The following LUZP2 variants were observed in gnomAD, a reference collection of about 807,000 sequenced individuals.
The protein encoded by LUZP2 is leucine zipper protein 2.
In LUZP2, 52 loss-of-function variants were observed where a neutral mutation model predicts 51.6. That is an observed-to-expected ratio of 1.01 (90% CI 0.81 to 1.27). LUZP2 has a LOEUF of 1.27. Ranked by LOEUF, LUZP2 falls within the 50% of genes most tolerant of loss-of-function variation. The pLI is 0.00. For missense variants in LUZP2, 436 were observed against 395.4 expected, an observed-to-expected ratio of 1.10 and a Z score of -0.87; for synonymous variants, 154 against 137.3, an observed-to-expected ratio of 1.12 and a Z score of -0.85.
At chr11:24,696,693 T>C (rs1857258134) in intron 1 of LUZP2, among the ~76,000 whole-genome samples, 2 of 152,004 alleles carry the variant, frequency 1.3e-5, no homozygotes, top group South Asian at 4.1e-4. Context: ...AGATATGAAA[T>C]GTGACAATGA....
intron 5 of LUZP2, among the ~76,000 whole-genome samples, chr11:24,777,285 G>T (rs565620116): frequency 6.6e-6 from 1 of 152,058 alleles, no homozygotes; most frequent in African/African-American, 2.4e-5. Context: ...GAGCCACCGC[G>T]CCCGGCCTGT....
chr11:24,500,020 A>C (rs1849944897), intron 1 of LUZP2, among the ~76,000 whole-genome samples: 2 of 152,188 alleles, frequency 1.3e-5, no homozygotes, highest in East Asian at 1.9e-4. Flanking sequence ...TTTTAAATAG[A>C]CATTTTTGAA....
chr11:24,766,539 G>A (rs1253843767), intron 5 of LUZP2, among the ~76,000 whole-genome samples: 1 of 152,098 alleles, frequency 6.6e-6, no homozygotes, highest in East Asian at 1.9e-4. Flanking sequence ...GGTAAGATGT[G>A]AATACAGAAG....
intron 9 of LUZP2, among the ~76,000 whole-genome samples, chr11:25,023,352 C>A (rs1003642745): frequency 6.6e-6 from 1 of 152,064 alleles, no homozygotes; most frequent in African/African-American, 2.4e-5. Flanking sequence ...GATTCAACTT[C>A]TTCCTGGTTT....
At chr11:24,900,754 A>G (rs984846818) in intron 5 of LUZP2, among the ~76,000 whole-genome samples, 7 of 151,918 alleles carry the variant, frequency 4.6e-5, no homozygotes, top group Non-Finnish European at 1.0e-4. Flanking sequence ...CCTCACTTTC[A>G]TTTTCTGTAT....
At chr11:25,021,835 T>C (rs574067831) in intron 9 of LUZP2, among the ~76,000 whole-genome samples, 1 of 152,132 alleles carries the variant, frequency 6.6e-6, no homozygotes, top group Non-Finnish European at 1.5e-5. Flanking sequence ...TTGGAGCCCA[T>C]GGAGATCAGA....
rs185503772 is a variant in LUZP2 at position 24,601,816 on chromosome 11, C to T, written c.62+104511C>T. 5.0e-3 allele frequency among the ~76,000 whole-genome samples: 746 copies of T among 148,468 alleles called. 7 individuals are homozygous for T. The highest frequency in any genetic ancestry group is 0.022 in the South Asian group (103 of 4,762). ...TCTTATCCATGGCAGCAATACAAGACTGTTTAGATATAGTTTATCACAAAT... is the reference window on the plus strand; with the variant it reads ...TCTTATCCATGGCAGCAATACAAGATTGTTTAGATATAGTTTATCACAAAT... On this transcript the variant is annotated intron_variant, in intron 1 of 11. Transcript: ENST00000336930.
intron 5 of LUZP2, chr11:24,786,279 C>G (rs1227851297): frequency 6.2e-6 from 6 of 972,654 alleles, no homozygotes; most frequent in Admixed American, 6.2e-5. Flanking sequence ...TTATAAAATA[C>G]AGGAACATAG....
chr11:25,080,721 T>G lies in LUZP2; in HGVS notation c.*2063T>G, dbSNP rs1859438167. On this transcript the variant is annotated 3_prime_UTR_variant, in exon 12 of 12. Transcript: ENST00000336930. ...GGGAAGCAGATCATTTAGTTTTAAT[T>G]TATGTTCAGTCTCCCACCTCCACCC... The G allele has an allele frequency of 6.6e-6, 1 of 152,166 alleles. No individual in the cohort carries two copies. The highest frequency in any genetic ancestry group is 1.5e-5 in the Non-Finnish European group (1 of 68,046). 9.4% of individuals were successfully genotyped at this position (152,166 alleles called of 1,614,324 possible).
chr11:24,570,726 C>A (rs982007278), intron 1 of LUZP2, among the ~76,000 whole-genome samples: 8 of 152,016 alleles, frequency 5.3e-5, no homozygotes, highest in African/African-American at 1.9e-4. Context: ...TTCTATGGAG[C>A]TTTAACTTCC....
chr11:24,947,624 T>C (rs1347812880), intron 7 of LUZP2, among the ~76,000 whole-genome samples: 1 of 151,968 alleles, frequency 6.6e-6, no homozygotes, highest in African/African-American at 2.4e-5. Flanking sequence ...TCTTGTGAAA[T>C]ACTAAAATAG....
chr11:24,752,607 C>A (rs2716442), intron 4 of LUZP2, among the ~76,000 whole-genome samples: 119,443 of 152,076 alleles, frequency 0.79, 47,056 homozygotes, highest in East Asian at 0.88. Context: ...ACATATAGTA[C>A]ATAACCAAGA....
intron 7 of LUZP2, among the ~76,000 whole-genome samples, chr11:24,943,446 T>C (rs1590757596): frequency 6.6e-6 from 1 of 152,326 alleles, no homozygotes; most frequent in Admixed American, 6.5e-5. Flanking sequence ...TGTACTGCCA[T>C]AGCACTCTGA....
At chr11:25,050,392 C>T (rs1479899290) in intron 10 of LUZP2, among the ~76,000 whole-genome samples, 1 of 150,196 alleles carries the variant, frequency 6.7e-6, no homozygotes, top group African/African-American at 2.5e-5. Flanking sequence ...AGCTCCGCCG[C>T]CTCCCGGGTT....
intron 5 of LUZP2, among the ~76,000 whole-genome samples, chr11:24,794,099 C>T (rs1308684972): frequency 6.6e-6 from 1 of 151,968 alleles, no homozygotes; most frequent in Non-Finnish European, 1.5e-5. Context: ...CCAACTGATC[C>T]TAAATAGAAC....
At chr11:24,942,759 T>G (rs142315448) in intron 7 of LUZP2, among the ~76,000 whole-genome samples, 122 of 152,314 alleles carry the variant, frequency 8.0e-4, no homozygotes, top group South Asian at 1.9e-3. Context: ...GTTTGTTTGA[T>G]TTTAGAACTT....
At chr11:24,732,411 G>A (rs757424663) in intron 3 of LUZP2, among the ~76,000 whole-genome samples, 3 of 151,708 alleles carry the variant, frequency 2.0e-5, no homozygotes, top group Non-Finnish European at 4.4e-5. Context: ...GGTGATGGTG[G>A]TGCTGATGCT....
At chr11:24,575,807 A>ACCATTTTT (rs1251036208) in intron 1 of LUZP2, among the ~76,000 whole-genome samples, 63 of 152,044 alleles carry the variant, frequency 4.1e-4, no homozygotes, top group African/African-American at 1.5e-3. Context: ...TTTGCTTACC[A>ACCATTTTT]GCATTTTTGC....
intron 1 of LUZP2, among the ~76,000 whole-genome samples, chr11:24,659,517 A>C (rs911217835): frequency 3.9e-5 from 6 of 152,158 alleles, no homozygotes; most frequent in African/African-American, 9.6e-5. Flanking sequence ...ACATGTATAC[A>C]TATGTAACAA....
Sources: gnomAD v4.1 joint callset for allele counts (sites outside exome capture counted in the v4.1 genomes callset) on GRCh38, gnomAD v4.1.1 for gene constraint, MANE v1.5 for transcripts, NCBI Gene and HGNC (gene_info 2026-07-23, HGNC 2026-07-21) for gene names.